Variants in SPOCK3 observed in about 807,000 individuals in gnomAD.
SPOCK3 encodes the protein testican-3.
SPOCK3 carries 30 observed loss-of-function variants against 56.6 expected under a neutral mutation model. The ratio of observed to expected loss-of-function variants is 0.53; its 90% confidence interval spans 0.40 to 0.72. The LOEUF is 0.72. Among genes scored for constraint, SPOCK3 ranks in the 30% least tolerant of loss-of-function variants. The probability of loss-of-function intolerance (pLI) is 0.00; values close to 1 mark genes in which losing one functional copy is unlikely to be tolerated. For missense variants in SPOCK3, 527 were observed against 530.0 expected, an observed-to-expected ratio of 0.99 and a Z score of 0.06; for synonymous variants, 196 against 183.3, an observed-to-expected ratio of 1.07 and a Z score of -0.56.
At chr4:167,142,114 A>G (rs1388330894) in intron 2 of SPOCK3, among the ~76,000 whole-genome samples, 1 of 152,052 alleles carries the variant, frequency 6.6e-6, no homozygotes, top group Non-Finnish European at 1.5e-5. Context: ...TGAGAAGAGT[A>G]AAGCATTTTT....
At chr4:167,003,403 T>G (rs1749143356) in intron 3 of SPOCK3, among the ~76,000 whole-genome samples, 1 of 152,190 alleles carries the variant, frequency 6.6e-6, no homozygotes, top group African/African-American at 2.4e-5. Flanking sequence ...TTAGTAGAAC[T>G]CACATTGTTG....
intron 4 of SPOCK3, among the ~76,000 whole-genome samples, chr4:166,946,083 TA>T (rs763976975): frequency 6.6e-6 from 1 of 152,152 alleles, no homozygotes; most frequent in Non-Finnish European, 1.5e-5. Flanking sequence ...ATAACTACGA[TA>T]ACCATAGGCC....
At chr4:167,062,285 G>T (rs1755684800) in intron 3 of SPOCK3, among the ~76,000 whole-genome samples, 1 of 151,664 alleles carries the variant, frequency 6.6e-6, no homozygotes, top group Non-Finnish European at 1.5e-5. Context: ...AAAAATAAAA[G>T]ACATCCTGAC....
intron 2 of SPOCK3, among the ~76,000 whole-genome samples, chr4:167,079,194 A>C (rs905480952): frequency 6.6e-6 from 1 of 152,044 alleles, no homozygotes; most frequent in Non-Finnish European, 1.5e-5. Flanking sequence ...TATCTGAAGT[A>C]CATTTTTAAA....
chr4:166,887,772 C>T (rs913540593), intron 6 of SPOCK3, among the ~76,000 whole-genome samples: 10 of 150,604 alleles, frequency 6.6e-5, no homozygotes, highest in African/African-American at 2.2e-4. Context: ...TTATACTGCT[C>T]GGGTGATGGG....
At chr4:166,841,646 G>A (rs962695424) in intron 6 of SPOCK3, among the ~76,000 whole-genome samples, 1 of 129,312 alleles carries the variant, frequency 7.7e-6, no homozygotes, top group Non-Finnish European at 1.6e-5. Flanking sequence ...TTATAAAAAT[G>A]TCCATAAATG....
chr4:166,764,819 G>GACCA (rs1737757284), intron 7 of SPOCK3, among the ~76,000 whole-genome samples: 1 of 149,118 alleles, frequency 6.7e-6, no homozygotes, highest in South Asian at 2.2e-4. Flanking sequence ...GTGTAAATGT[G>GACCA]TTCCTATTTC....
chr4:166,745,840 G>C (rs1033823756), intron 8 of SPOCK3, among the ~76,000 whole-genome samples: 1 of 152,148 alleles, frequency 6.6e-6, no homozygotes, highest in Non-Finnish European at 1.5e-5. Context: ...TGCAATCCTA[G>C]TCTCTGATAA....
chr4:166,766,338 T>C (rs559324487), intron 7 of SPOCK3, among the ~76,000 whole-genome samples: 2 of 152,248 alleles, frequency 1.3e-5, no homozygotes, highest in East Asian at 3.9e-4. Context: ...CATAAATAGA[T>C]CTTAATATTT....
At chr4:166,777,121 T>C (rs1419698278) in intron 7 of SPOCK3, among the ~76,000 whole-genome samples, 3 of 152,144 alleles carry the variant, frequency 2.0e-5, no homozygotes, top group African/African-American at 7.2e-5. Flanking sequence ...ACAGGAAGAA[T>C]TAAATGAACA....
chr4:167,119,138 G>C (rs1161335138), intron 2 of SPOCK3, among the ~76,000 whole-genome samples: 1 of 95,134 alleles, frequency 1.1e-5, no homozygotes, highest in Non-Finnish European at 2.6e-5. Flanking sequence ...AAGGCGGGGT[G>C]GGGGAGGGGG....
intron 6 of SPOCK3, among the ~76,000 whole-genome samples, chr4:166,837,043 C>T (rs919154251): frequency 3.3e-5 from 5 of 152,210 alleles, no homozygotes; most frequent in African/African-American, 9.6e-5. Flanking sequence ...ATACCTGTTG[C>T]AATGGCACCT....
intron 5 of SPOCK3, among the ~76,000 whole-genome samples, chr4:166,899,641 T>C (rs1008703848): frequency 6.6e-6 from 1 of 151,190 alleles, no homozygotes; most frequent in African/African-American, 2.4e-5. Flanking sequence ...CTCAGCCTCC[T>C]GAATAGCTGG....
chr4:166,966,966 C>T lies in SPOCK3; in HGVS notation c.350+33383G>A, dbSNP rs187742926. Among the ~76,000 whole-genome samples the T allele has an allele frequency of 3.3e-5, 5 of 152,216 alleles. 1 individual carries two copies. In the East Asian group the frequency reaches 7.7e-4, roughly 24 times the overall value. On this transcript the variant is annotated intron_variant, in intron 4 of 10. Coordinates refer to ENST00000357545, the MANE Select transcript of SPOCK3 (RefSeq NM_001040159.2). ...GTTCTGATTCATTGAAACTCTTATA[C>T]CTACCAGCATCATGCAACCTCTAGG...
chr4:166,874,261 T>G lies in SPOCK3; in HGVS notation c.589+14869A>C, dbSNP rs560244287. On this transcript the variant is annotated intron_variant, in intron 6 of 10. Transcript: ENST00000357545. ...CCTGAGCTGAATCCCACCTGTGAGC[T>G]TGTGACCAAGGAGAATGAACGCAAG... Among the ~76,000 whole-genome samples, 5 of 152,184 alleles carry G rather than the reference T, an allele frequency of 3.3e-5. No homozygotes were observed. The South Asian group carries it at 1.0e-3, about 32-fold the overall frequency.
intron 4 of SPOCK3, among the ~76,000 whole-genome samples, chr4:166,952,665 A>G (rs951701448): frequency 1.3e-5 from 2 of 152,148 alleles, no homozygotes; most frequent in African/African-American, 4.8e-5. Flanking sequence ...GAGGCATCAC[A>G]CTACCTGACT....
intron 2 of SPOCK3, among the ~76,000 whole-genome samples, chr4:167,173,436 G>T (rs1229482677): frequency 6.6e-6 from 1 of 152,044 alleles, no homozygotes; most frequent in African/African-American, 2.4e-5. Context: ...TAAATTTACG[G>T]AAAGAAGTGT....
chr4:166,868,222 G>T (rs1283814422), intron 6 of SPOCK3, among the ~76,000 whole-genome samples: 1 of 151,188 alleles, frequency 6.6e-6, no homozygotes, highest in African/African-American at 2.4e-5. Flanking sequence ...GAGATGGGAG[G>T]ATCACATGAG....
chr4:166,912,914 T>C (rs905544635), intron 4 of SPOCK3, among the ~76,000 whole-genome samples, 171 bp from the exon 5 acceptor site: 4 of 152,192 alleles, frequency 2.6e-5, no homozygotes, highest in Non-Finnish European at 4.4e-5. Context: ...ATTATAATCT[T>C]TTGATTTATA....
Sources: allele counts gnomAD v4.1 joint callset (sites outside exome capture counted in the v4.1 genomes callset), GRCh38; gene constraint gnomAD v4.1.1; transcripts MANE v1.5; gene names NCBI Gene and HGNC (gene_info 2026-07-23, HGNC 2026-07-21).